ISY1: variants seen among roughly 807,000 people sequenced by gnomAD.
The protein encoded by ISY1 is pre-mRNA-splicing factor ISY1 homolog.
ISY1 carries 12 observed loss-of-function variants against 54.4 expected under a neutral mutation model. The ratio of observed to expected loss-of-function variants is 0.22; its 90% CI spans 0.14 to 0.36. The LOEUF is 0.36. Ranked by LOEUF, ISY1 falls within the 10% of genes least tolerant of loss-of-function variation. ISY1 has a pLI of 1.00. For missense variants in ISY1, 282 were observed against 342.2 expected, an observed-to-expected ratio of 0.82 and a Z score of 1.39; for synonymous variants, 96 against 117.9, an observed-to-expected ratio of 0.81 and a Z score of 1.20.
In ISY1 at chr3:129,154,131, A is replaced by AC. The variant is rs556031912; in HGVS notation, c.187+2501dup. 8.3e-3 allele frequency among the ~76,000 whole-genome samples: 1,265 copies of AC among 151,814 alleles called. 8 individuals carry two copies. Among genetic ancestry groups the AC allele is most frequent in the Non-Finnish European group, 0.014 (979 of 67,942 alleles). On this transcript the variant is annotated intron_variant, in intron 5 of 10. Coordinates refer to ENST00000393295, the MANE Select transcript of ISY1 (RefSeq NM_020701.4). ...GGGGTGGGCGCCTGTAGTCCCAGCT[A>AC]CGCGGGAGGCTGAGGCAGGAGAATG...
intron 6 of ISY1, 25 bp downstream of exon 6, chr3:129,145,736 G>A (rs775243715): frequency 1.9e-5 from 30 of 1,606,768 alleles, no homozygotes; most frequent in East Asian, 2.2e-5. Flanking sequence ...GACAAGACCC[G>A]CCACTGGGGC....
intron 5 of ISY1, among the ~76,000 whole-genome samples, chr3:129,149,943 C>G (rs1003235066): frequency 6.7e-6 from 1 of 148,286 alleles, no homozygotes; most frequent in Admixed American, 6.8e-5. Flanking sequence ...CACTGTACTC[C>G]AGGCTGGGTG....
rs943771081 is a variant in ISY1 at position 129,147,527 on chromosome 3, C to T, written c.188-1654G>A. Among the ~76,000 whole-genome samples the T allele has an allele frequency of 3.2e-4, 48 of 152,132 alleles. 1 individual carries two copies. The highest frequency in any genetic ancestry group is 3.3e-4 in the Admixed American group (5 of 15,266). On this transcript the variant is annotated intron_variant, in intron 5 of 10. Coordinates refer to ENST00000393295, the MANE Select transcript of ISY1 (RefSeq NM_020701.4). ...TCAAGGCAGCCCAATCCTCTGAGGG[C>T]CTCAACCAAAGCAAAGGGAGAGGAT...
At chr3:129,155,315 C>A (rs2107619270) in intron 5 of ISY1, among the ~76,000 whole-genome samples, 1 of 152,012 alleles carries the variant, frequency 6.6e-6, no homozygotes, top group East Asian at 1.9e-4. Flanking sequence ...CTGCTTCAGC[C>A]TCCTGAGTAG....
intron 4 of ISY1, 60 bp downstream of exon 4, chr3:129,156,795 T>C (rs1317428105): frequency 3.1e-6 from 5 of 1,587,748 alleles, no homozygotes; most frequent in Admixed American, 1.8e-5. Flanking sequence ...GTCATTTAGA[T>C]AATAAGAAGA....
At chr3:129,141,254 C>T (rs554997132) in intron 6 of ISY1, among the ~76,000 whole-genome samples, 11 of 150,894 alleles carry the variant, frequency 7.3e-5, no homozygotes, top group African/African-American at 2.5e-4. Context: ...GGGCTGGGCA[C>T]GGTGGCTCAC....
At chr3:129,147,354 G>A (rs757238301) in intron 5 of ISY1, among the ~76,000 whole-genome samples, 1 of 152,112 alleles carries the variant, frequency 6.6e-6, no homozygotes, top group Non-Finnish European at 1.5e-5. Context: ...TCCAGCCTGG[G>A]TGACAGGGCA....
chr3:129,130,545 C>A lies in ISY1; in HGVS notation c.750+5G>T. Reference sequence around the variant, plus strand: ...CGCCCAGGCAGCTCTTAGCTGTGGTCCTACCTCTTGCTGCGAGGGAACAGG... The same window carrying A: ...CGCCCAGGCAGCTCTTAGCTGTGGTACTACCTCTTGCTGCGAGGGAACAGG... On this transcript the variant is annotated splice_donor_5th_base_variant and intron_variant, in intron 10 of 10. Transcript: ENST00000393295. 6.2e-7 allele frequency: 1 copy of A among 1,614,022 alleles called. No individual in the cohort carries two copies. The highest frequency in any genetic ancestry group is 1.1e-5 in the South Asian group (1 of 91,060).
At chr3:129,151,416 G>A (rs1236190413) in intron 5 of ISY1, among the ~76,000 whole-genome samples, 1 of 151,566 alleles carries the variant, frequency 6.6e-6, no homozygotes, top group Non-Finnish European at 1.5e-5. Flanking sequence ...ATCACCTGAG[G>A]TTGGGAGTTC....
At chr3:129,144,730 C>CTG (rs1266014546) in intron 6 of ISY1, among the ~76,000 whole-genome samples, 2 of 151,616 alleles carry the variant, frequency 1.3e-5, no homozygotes, top group Non-Finnish European at 2.9e-5. Flanking sequence ...GTGTGTGTGT[C>CTG]TGTGTGTGTT....
At chr3:129,136,587 T>A (rs1936408528) in intron 7 of ISY1, among the ~76,000 whole-genome samples, 1 of 151,816 alleles carries the variant, frequency 6.6e-6, no homozygotes, top group Non-Finnish European at 1.5e-5. Flanking sequence ...CACCACAACC[T>A]CCGCCTCCTG....
At chr3:129,130,427 T>C (rs887688737) in intron 10 of ISY1, 123 bp downstream of exon 10, 4 of 1,272,476 alleles carry the variant, frequency 3.1e-6, no homozygotes, top group African/African-American at 3.0e-5. Flanking sequence ...ACAGGTGTCA[T>C]GTGGTCAGGA....
intron 5 of ISY1, among the ~76,000 whole-genome samples, chr3:129,154,411 G>A (rs1368186628): frequency 1.6e-5 from 2 of 123,024 alleles, no homozygotes; most frequent in African/African-American, 6.4e-5. Context: ...CTGCACTCTA[G>A]CCTGGGTGAC....
At chr3:129,136,288 G>C (rs574802474) in intron 7 of ISY1, among the ~76,000 whole-genome samples, 2 of 151,520 alleles carry the variant, frequency 1.3e-5, no homozygotes, top group East Asian at 3.9e-4. Flanking sequence ...TTTTAGTAGA[G>C]ATGGGGTTTC....
At chr3:129,156,307 G>A (rs1223571774) in intron 5 of ISY1, among the ~76,000 whole-genome samples, 1 of 150,348 alleles carries the variant, frequency 6.7e-6, no homozygotes. Flanking sequence ...GCTGAGGCAG[G>A]AGAATGGCGT....
intron 6 of ISY1, among the ~76,000 whole-genome samples, chr3:129,143,362 C>A (rs1426488334): frequency 6.6e-6 from 1 of 150,930 alleles, no homozygotes; most frequent in Admixed American, 6.6e-5. Context: ...AAAAATTAGC[C>A]AGGTGTGGTG....
chr3:129,158,970 C>T (rs1416127826), intron 2 of ISY1, among the ~76,000 whole-genome samples, 184 bp downstream of exon 2: 1 of 152,072 alleles, frequency 6.6e-6, no homozygotes, highest in African/African-American at 2.4e-5. Flanking sequence ...TGAGAAAACA[C>T]ATAAATGGAG....
chr3:129,134,676 C>T (rs945389348), intron 8 of ISY1, among the ~76,000 whole-genome samples, 156 bp downstream of exon 8: 1 of 152,200 alleles, frequency 6.6e-6, no homozygotes, highest in African/African-American at 2.4e-5. Context: ...GACTGCCTCA[C>T]AGGGGTCAGG....
At chr3:129,157,708 G>A (rs1028100558) in intron 3 of ISY1, among the ~76,000 whole-genome samples, 15 of 115,730 alleles carry the variant, frequency 1.3e-4, no homozygotes, top group Admixed American at 1.1e-3. Context: ...GCGACAGAGC[G>A]TCCATCTCAA....
Sources: gnomAD v4.1 joint callset for allele counts (sites outside exome capture counted in the v4.1 genomes callset) on GRCh38, gnomAD v4.1.1 for gene constraint, MANE v1.5 for transcripts, NCBI Gene and HGNC (gene_info 2026-07-23, HGNC 2026-07-21) for gene names.